The following MALRD1 variants were observed in gnomAD, a reference collection of about 807,000 sequenced individuals.
The protein encoded by MALRD1 is MAM and LDL receptor class A domain containing 1.
MALRD1 carries 247 observed loss-of-function variants against 242.1 expected under a neutral mutation model. That is an observed-to-expected ratio of 1.02 (90% CI 0.92 to 1.13). The LOEUF (loss-of-function observed/expected upper bound fraction) is 1.13, where lower values mean the gene tolerates loss of function less well. Among genes scored for constraint, MALRD1 ranks in the 50% most tolerant of loss-of-function variants. The probability of loss-of-function intolerance (pLI) is 0.00; values close to 1 mark genes in which losing one functional copy is unlikely to be tolerated. For missense variants in MALRD1, 2,989 were observed against 2,533.1 expected (o/e 1.18, Z -3.86); for synonymous variants, 995 against 866.6 (o/e 1.15, Z -2.60).
Position 19,312,378 on chromosome 10 carries a change from GTATATATA to G in MALRD1, c.3420-11555_3420-11548del. 2.2e-5 allele frequency among the ~76,000 whole-genome samples: 3 copies of G among 137,548 alleles called. No homozygotes were observed. In the East Asian group the frequency reaches 6.4e-4, roughly 29 times the overall value. 90.2% of individuals were successfully genotyped at this position (137,548 alleles called of 152,430 possible). A position where few individuals can be genotyped will look rare whatever the true frequency, so the allele number is the denominator to read the frequency against. ...TTCAGTACAGGGCACAGAGGAATGT[GTATATATA>G]TATATATATATATATGTGTATATGT... is the stretch of plus-strand genomic sequence containing the variant. On this transcript the variant is annotated intron_variant, in intron 21 of 39. Transcript: ENST00000454679.
intron 19 of MALRD1, among the ~76,000 whole-genome samples, chr10:19,276,355 A>G (rs574460953): frequency 1.3e-4 from 18 of 141,608 alleles, no homozygotes; most frequent in African/African-American, 4.8e-4. Flanking sequence ...GAAATGGCAC[A>G]ACAAATTTAG....
At chr10:19,481,661 C>G (rs970971035) in intron 29 of MALRD1, among the ~76,000 whole-genome samples, 2 of 151,926 alleles carry the variant, frequency 1.3e-5, no homozygotes, top group Admixed American at 6.6e-5. Context: ...TAATAGGTTG[C>G]CAAACTTGCT....
intron 32 of MALRD1, among the ~76,000 whole-genome samples, chr10:19,558,202 A>C (rs1274975636): frequency 6.6e-6 from 1 of 151,866 alleles, no homozygotes; most frequent in African/African-American, 2.4e-5. Context: ...GAACAGTTTT[A>C]TTTCTTTCTC....
intron 9 of MALRD1, among the ~76,000 whole-genome samples, chr10:19,134,769 T>C (rs770512575): frequency 3.9e-4 from 60 of 152,218 alleles, no homozygotes; most frequent in Non-Finnish European, 7.1e-4. Context: ...AATTTTGTTT[T>C]AACTCAAAGA....
intron 34 of MALRD1, among the ~76,000 whole-genome samples, chr10:19,602,541 C>T (rs1021489235): frequency 6.6e-6 from 1 of 151,888 alleles, no homozygotes; most frequent in African/African-American, 2.4e-5. Context: ...TTTTTTACGG[C>T]TGCATAGTGT....
intron 5 of MALRD1, among the ~76,000 whole-genome samples, chr10:19,104,566 A>G (rs561391864): frequency 6.6e-6 from 1 of 152,240 alleles, no homozygotes; most frequent in South Asian, 2.1e-4. Flanking sequence ...ATTAACTAAT[A>G]TTCTATTCTT....
intron 21 of MALRD1, among the ~76,000 whole-genome samples, chr10:19,306,732 G>A (rs1842226006): frequency 6.6e-6 from 1 of 151,344 alleles, no homozygotes; most frequent in Admixed American, 6.6e-5. Flanking sequence ...CATGGCTTGA[G>A]AGGCCTCAGG....
At chr10:19,340,986 A>C (rs544358757) in intron 24 of MALRD1, among the ~76,000 whole-genome samples, 1 of 152,252 alleles carries the variant, frequency 6.6e-6, no homozygotes, top group South Asian at 2.1e-4. Context: ...TAATACAAAA[A>C]ATTTTACAAA....
Position 19,734,224 on chromosome 10 carries a change from A to G in MALRD1, c.6458A>G (p.His2153Arg). 2 of 1,535,690 alleles carry G rather than the reference A, an allele frequency of 1.3e-6. No homozygotes were observed. The highest frequency in any genetic ancestry group is 2.0e-5 in the Admixed American group (1 of 50,962). The change falls in exon 40 of 40, where the codon CAT (histidine) becomes CGT (arginine). Residue 2153 changes from histidine to arginine, a missense_variant. Coordinates refer to ENST00000454679, the MANE Select transcript of MALRD1 (RefSeq NM_001142308.3). The stretch of plus-strand genomic sequence containing the variant: ...TCAGGAAGCCTGGAGACCCTGTCAC[A>G]TCATCTCAAATAGCAGCATCGAGAC... Reference protein sequence around the residue: ...TTSGSLETLSHHLK With the variant: ...TTSGSLETLSRHLK
In MALRD1 at chr10:19,389,448, C is replaced by T. The variant is rs564051753; in HGVS notation, c.4688-4C>T. ...TCTTCTCTGAATTCTGTCCTTGTTCCTAGGGCACTTCATGTATCTGGAAGC... is the reference window on the plus strand; with the variant it reads ...TCTTCTCTGAATTCTGTCCTTGTTCTTAGGGCACTTCATGTATCTGGAAGC... On this transcript the variant is annotated splice_polypyrimidine_tract_variant and splice_region_variant and intron_variant, in intron 27 of 39. Transcript: ENST00000454679. 120 of 1,549,870 alleles carry T rather than the reference C, an allele frequency of 7.7e-5. No individual in the cohort carries two copies. The highest frequency in any genetic ancestry group is 1.7e-4 in the Middle Eastern group (1 of 6,010).
At chr10:19,710,263 A>G (rs1442872943) in intron 38 of MALRD1, 3 of 151,008 alleles carry the variant, frequency 2.0e-5, no homozygotes, top group African/African-American at 4.9e-5. Context: ...GTATTTACCA[A>G]TGTTACTAAC....
At chr10:19,311,879 G>A (rs1172647310) in intron 21 of MALRD1, among the ~76,000 whole-genome samples, 1 of 151,360 alleles carries the variant, frequency 6.6e-6, no homozygotes, top group East Asian at 2.0e-4. Flanking sequence ...GTGACATTTT[G>A]TACTCATGTT....
chr10:19,394,830 T>C (rs1466568393), intron 28 of MALRD1, among the ~76,000 whole-genome samples: 1 of 152,234 alleles, frequency 6.6e-6, no homozygotes. Context: ...ATCCTGTAAT[T>C]GCTTATACTA....
intron 19 of MALRD1, among the ~76,000 whole-genome samples, chr10:19,258,678 C>T (rs908230506): frequency 2.0e-5 from 3 of 152,144 alleles, no homozygotes; most frequent in African/African-American, 7.2e-5. Context: ...TGATCCTACC[C>T]ACCACTCAGC....
At chr10:19,511,690 T>C (rs1333946970) in intron 31 of MALRD1, among the ~76,000 whole-genome samples, 3 of 152,188 alleles carry the variant, frequency 2.0e-5, no homozygotes, top group African/African-American at 7.2e-5. Context: ...CAGTAACTTT[T>C]GTTTCAGGGT....
intron 33 of MALRD1, among the ~76,000 whole-genome samples, chr10:19,580,329 C>G (rs190743632): frequency 3.3e-5 from 5 of 152,178 alleles, no homozygotes; most frequent in Admixed American, 3.3e-4. Context: ...AGCGATAACT[C>G]TTTTGGGGCC....
At chr10:19,444,612 C>T (rs2131005855) in intron 28 of MALRD1, among the ~76,000 whole-genome samples, 1 of 152,228 alleles carries the variant, frequency 6.6e-6, no homozygotes, top group Non-Finnish European at 1.5e-5. Flanking sequence ...AAATTATTTT[C>T]TTTAAGAATG....
chr10:19,210,799 C>G (rs1256879357), intron 18 of MALRD1, among the ~76,000 whole-genome samples: 1 of 152,142 alleles, frequency 6.6e-6, no homozygotes, highest in South Asian at 2.1e-4. Context: ...AACGAATCCC[C>G]CATCTATAGT....
rs1678872123 is a variant in MALRD1, at chr10:19,349,470, G to A, written c.4149+1452G>A. Among the ~76,000 whole-genome samples the A allele has an allele frequency of 3.3e-5, 5 of 152,332 alleles. No homozygotes were observed. The South Asian group carries it at 8.3e-4, about 25-fold the overall frequency. On this transcript the variant is annotated intron_variant, in intron 25 of 39. Transcript: ENST00000454679. The stretch of plus-strand genomic sequence containing the variant: ...CAATTTCATCTATCACATAGACAGT[G>A]AAGATTTTTCTGTAAGGAAAGTGAC...
Sources: allele counts gnomAD v4.1 joint callset (sites outside exome capture counted in the v4.1 genomes callset), GRCh38; gene constraint gnomAD v4.1.1; transcripts MANE v1.5; gene names NCBI Gene and HGNC (gene_info 2026-07-23, HGNC 2026-07-21).